The following PLCB3 variants were observed in gnomAD, a reference collection of about 807,000 sequenced individuals.
PLCB3 encodes the protein 1-phosphatidylinositol 4,5-bisphosphate phosphodiesterase beta-3.
PLCB3 carries 54 observed loss-of-function variants against 152.1 expected under a neutral mutation model. The observed-to-expected ratio is 0.36, with a 90% CI of 0.29 to 0.45. The LOEUF is 0.45. PLCB3 is among the 20% of genes least tolerant of loss of function. PLCB3 has a pLI of 1.00. For missense variants in PLCB3, 1,248 were observed against 1,687.5 expected (o/e 0.74, Z 4.56); for synonymous variants, 717 against 698.7 (o/e 1.03, Z -0.41).
rs1322774323 is a variant in PLCB3, at chr11:64,265,087, C to T, written c.2789C>T (p.Thr930Ile). The T allele has an allele frequency of 2.3e-5, 35 of 1,547,814 alleles. No homozygotes were observed. The Admixed American group carries it at 5.8e-4, about 26-fold the overall frequency. ...GGCCCCACCACCTCCCCTGCCAGCA[C>T]CTCCCTCAGCAGCCCAGGTAAGGAG... ...PPGPTTSPASTSLSSPGQRDD... is the reference protein window; with the variant it reads ...PPGPTTSPASISLSSPGQRDD... The change falls in exon 23 of 31, where the codon ACC (threonine) becomes ATC (isoleucine). Residue 930 changes from threonine (T) to isoleucine (I), a missense_variant. By Grantham distance (89) the Thr-to-Ile change is moderately conservative. Coordinates refer to ENST00000279230, the MANE Select transcript of PLCB3 (RefSeq NM_000932.5).
chr11:64,254,580 A>G (rs1223077687), intron 2 of PLCB3, 88 bp downstream of exon 2: 5 of 1,411,788 alleles, frequency 3.5e-6, no homozygotes, highest in Admixed American at 1.7e-5. Flanking sequence ...GCCCGGCTGC[A>G]GGCTGACCTC....
rs1401397412 is a variant in PLCB3 at position 64,267,565 on chromosome 11, A to C, written c.*9A>C. On this transcript the variant is annotated 3_prime_UTR_variant, in exon 31 of 31. Transcript: ENST00000279230. This position sits in a 1 kb window ranked among gnomAD's most constrained non-coding sequence, Gnocchi z 5.2. Reference sequence around the variant, plus strand: ...AGAACACGCAGCTCTGAACTGGCTGAGCGAGGTGGCCACAGGGCCAGGGCG... The same window carrying C: ...AGAACACGCAGCTCTGAACTGGCTGCGCGAGGTGGCCACAGGGCCAGGGCG... 6.4e-7 allele frequency: 1 copy of C among 1,554,982 alleles called. No homozygotes were observed. Among genetic ancestry groups the C allele is most frequent in the Non-Finnish European group, 8.7e-7 (1 of 1,155,710 alleles).
Position 64,265,049 on chromosome 11 carries a change from C to A in PLCB3, c.2751C>A (p.Pro917=). The A allele has an allele frequency of 6.5e-7, 1 of 1,538,440 alleles. No homozygotes were observed. Among genetic ancestry groups the A allele is most frequent in the Non-Finnish European group, 8.8e-7 (1 of 1,135,190 alleles). The change falls in exon 23 of 31, where the codon CCC becomes CCA. Residue 917 remains proline (P), a synonymous_variant. Transcript: ENST00000279230. ...CCCCCAGCCCACTGGATGCCTCCCC[C>A]CGCCGGCCCCCTGGCCCCACCACCT... ...NPTPSPLDAS[P]RRPPGPTTSP...
Position 64,256,474 on chromosome 11 carries a change from C to T in PLCB3, c.797C>T (p.Pro266Leu). 2 of 1,613,922 alleles carry T rather than the reference C, an allele frequency of 1.2e-6. No individual in the cohort carries two copies. Among genetic ancestry groups the T allele is most frequent in the South Asian group, 1.1e-5 (1 of 91,090 alleles). Residue 266 changes from proline (P) to leucine (L), a missense_variant, in exon 9 of 31, where the codon CCC becomes CTC. By Grantham distance (98) the Pro-to-Leu change is moderately conservative. Coordinates refer to ENST00000279230, the MANE Select transcript of PLCB3 (RefSeq NM_000932.5). ...AGACTCAACGAAGTGCTGTACCCGC[C>T]CCTGCGGCCCTCCCAGGCCCGGCTG... ...DPRLNEVLYP[P>L]LRPSQARLLI...
At chr11:64,261,330 T>G (rs1318666820) in intron 14 of PLCB3, 70 bp from the exon 15 acceptor site, 4 of 1,100,068 alleles carry the variant, frequency 3.6e-6, no homozygotes, top group Admixed American at 1.7e-5. Context: ...ACCTCCTTCA[T>G]GGGGGGCAGG....
In PLCB3 at chr11:64,255,942, G is replaced by C; in HGVS notation, c.698+121G>C. 1.3e-6 allele frequency: 1 copy of C among 760,142 alleles called. No homozygotes were observed. The highest frequency in any genetic ancestry group is 1.5e-5 in the South Asian group (1 of 65,876). The allele number at this position is 760,142 out of a possible 1,614,324, so 47.1% of individuals were successfully genotyped here. On this transcript the variant is annotated intron_variant, in intron 8 of 30. Coordinates refer to ENST00000279230, the MANE Select transcript of PLCB3 (RefSeq NM_000932.5). This position sits in a 1 kb window ranked among gnomAD's most constrained non-coding sequence, Gnocchi z 6.8. The stretch of plus-strand genomic sequence containing the variant: ...GCCGGGTCCTGGAGCGCCAGGGGGC[G>C]GAGGGGTGCCCAGGGAGAACCTGTC...
rs2849004 is a variant in PLCB3 at position 64,254,853 on chromosome 11, G to A, written c.246+37G>A. The A allele has an allele frequency of 9.9e-6, 16 of 1,613,804 alleles. No homozygotes were observed. In the African/African-American group the frequency reaches 1.9e-4, roughly 19 times the overall value. The stretch of plus-strand genomic sequence containing the variant: ...GCCTGGGAGTGAAGACCACAGCGAG[G>A]CTGTGCGGGAGCCCCCTCTTCACCC... On this transcript the variant is annotated intron_variant, in intron 3 of 30. Coordinates refer to ENST00000279230, the MANE Select transcript of PLCB3 (RefSeq NM_000932.5).
In PLCB3 at chr11:64,255,931, C is replaced by A; in HGVS notation, c.698+110C>A. On this transcript the variant is annotated intron_variant, in intron 8 of 30. Transcript: ENST00000279230. This position sits in a 1 kb window ranked among gnomAD's most constrained non-coding sequence, Gnocchi z 6.8. ...GAAACTGGTGGGCCGGGTCCTGGAG[C>A]GCCAGGGGGCGGAGGGGTGCCCAGG... 1 of 840,828 alleles carries A rather than the reference C, an allele frequency of 1.2e-6. No individual in the cohort carries two copies. Among genetic ancestry groups the A allele is most frequent in the South Asian group, 1.4e-5 (1 of 70,422 alleles). 52.1% of individuals were successfully genotyped at this position (840,828 alleles called of 1,614,324 possible).
At position 64,254,860 on chromosome 11, in the gene PLCB3, G is replaced by A. The variant is rs201724429; in HGVS notation, c.247-38G>A. 7.0e-5 allele frequency: 113 copies of A among 1,613,548 alleles called. 1 individual carries two copies. The highest frequency in any genetic ancestry group is 1.3e-4 in the African/African-American group (10 of 75,046). On this transcript the variant is annotated intron_variant, in intron 3 of 30. Coordinates refer to ENST00000279230, the MANE Select transcript of PLCB3 (RefSeq NM_000932.5). Reference sequence around the variant, plus strand: ...AGTGAAGACCACAGCGAGGCTGTGCGGGAGCCCCCTCTTCACCCTTCGCTG... The same window carrying A: ...AGTGAAGACCACAGCGAGGCTGTGCAGGAGCCCCCTCTTCACCCTTCGCTG...
At chr11:64,264,189 G>GGA (rs2031998274) in intron 22 of PLCB3, 77 bp downstream of exon 22, 3 of 981,808 alleles carry the variant, frequency 3.1e-6, no homozygotes, top group Non-Finnish European at 4.5e-6. Flanking sequence ...GGCCACATGA[G>GGA]GAGGGGGCTT....
chr11:64,265,032 C>A lies in PLCB3; in HGVS notation c.2734C>A (p.Pro912Thr). 1 of 1,565,964 alleles carries A rather than the reference C, an allele frequency of 6.4e-7. No homozygotes were observed. Among genetic ancestry groups the A allele is most frequent in the Non-Finnish European group, 8.7e-7 (1 of 1,148,540 alleles). Residue 912 changes from proline to threonine, a missense_variant, in exon 23 of 31, where the codon CCA becomes ACA. This residue lies in a region of PLCB3 where 477 missense variants were observed against 489.6 expected (regional missense o/e 0.97). Coordinates refer to ENST00000279230, the MANE Select transcript of PLCB3 (RefSeq NM_000932.5). Reference protein sequence around the residue: ...SQPSSNPTPSPLDASPRRPPG... With the variant: ...SQPSSNPTPSTLDASPRRPPG... Reference sequence around the variant, plus strand: ...GCCGTCCTCAAACCCCACCCCCAGCCCACTGGATGCCTCCCCCCGCCGGCC... The same window carrying A: ...GCCGTCCTCAAACCCCACCCCCAGCACACTGGATGCCTCCCCCCGCCGGCC...
chr11:64,260,772 C>CAA (rs10689916), intron 14 of PLCB3, among the ~76,000 whole-genome samples: 24,372 of 71,172 alleles, frequency 0.34, 4,674 homozygotes, highest in East Asian at 0.59. Flanking sequence ...GACACTATCT[C>CAA]AAAAAAAAAA....
Position 64,267,678 on chromosome 11 carries a change from C to A in PLCB3, c.*122C>A. On this transcript the variant is annotated 3_prime_UTR_variant, in exon 31 of 31. Transcript: ENST00000279230. The surrounding 1 kb of genome is among the most constrained non-coding windows in gnomAD (Gnocchi z 5.2). ...TATCTAGAAATTTTATTTTTTTAAA[C>A]CCGGGGCAAGTACCTCAGCTAACTC... The A allele has an allele frequency of 1.2e-6, 1 of 841,172 alleles. No homozygotes were observed. Among genetic ancestry groups the A allele is most frequent in the Non-Finnish European group, 1.8e-6 (1 of 558,964 alleles). 52.1% of individuals were successfully genotyped at this position (841,172 alleles called of 1,614,324 possible). A position where few individuals can be genotyped will look rare whatever the true frequency, so the allele number is the denominator to read the frequency against.
chr11:64,258,409 G>A lies in PLCB3; in HGVS notation c.1013-64G>A. The A allele has an allele frequency of 6.4e-7, 1 of 1,566,284 alleles. No homozygotes were observed. The highest frequency in any genetic ancestry group is 1.2e-5 in the South Asian group (1 of 86,462). ...AATCCAGCATGTCCTGGTTCCAGGT[G>A]GGGCCGGGGTGGTGAGGAGCTGGGC... On this transcript the variant is annotated intron_variant, in intron 10 of 30. Coordinates refer to ENST00000279230, the MANE Select transcript of PLCB3 (RefSeq NM_000932.5). This position sits in a 1 kb window ranked among gnomAD's most constrained non-coding sequence, Gnocchi z 7.2.
intron 1 of PLCB3, 37 bp downstream of exon 1, chr11:64,251,785 G>T: frequency 8.2e-7 from 1 of 1,218,206 alleles, no homozygotes; most frequent in South Asian, 1.9e-5. Context: ...CAAATCCCGG[G>T]ACTCTTTCAG....
Position 64,261,953 on chromosome 11 carries a change from TACA to T in PLCB3, c.1920_1922del (p.Asn640del). On this transcript the variant is annotated inframe_deletion and splice_region_variant, in exon 17 of 31. Coordinates refer to ENST00000279230, the MANE Select transcript of PLCB3 (RefSeq NM_000932.5). Reference sequence around the variant, plus strand: ...GTGGCCCCTGACCACCAATCTCAGATACAACAAGCAGCAGCTCAGCCGCATCTA... The same window carrying T: ...GTGGCCCCTGACCACCAATCTCAGATACAAGCAGCAGCTCAGCCGCATCTA... 6.2e-7 allele frequency: 1 copy of T among 1,614,060 alleles called. No individual in the cohort carries two copies. The highest frequency in any genetic ancestry group is 8.5e-7 in the Non-Finnish European group (1 of 1,179,994).
intron 1 of PLCB3, 65 bp downstream of exon 1, chr11:64,251,813 C>T: frequency 1.0e-6 from 1 of 968,216 alleles, no homozygotes; most frequent in South Asian, 2.5e-5. Flanking sequence ...CGACCAGACG[C>T]TGGGGACCCC....
rs2031477430 is a variant in PLCB3, at chr11:64,255,541, C to T, written c.522C>T (p.Asn174=). 3.1e-6 allele frequency: 5 copies of T among 1,596,744 alleles called. No individual in the cohort carries two copies. Among genetic ancestry groups the T allele is most frequent in the Non-Finnish European group, 4.3e-6 (5 of 1,168,776 alleles). ...VNQDGRIPVK[N]ILKMFSADKK... is the part of the protein sequence containing the mutation. ...CCTGAACCCCTCCTGCCCGCATCAG[C>T]ATCCTGAAGATGTTCTCAGCAGACA... Residue 174 remains asparagine (N), a splice_region_variant and synonymous_variant, in exon 7 of 31, where the codon AAC becomes AAT. Coordinates refer to ENST00000279230, the MANE Select transcript of PLCB3 (RefSeq NM_000932.5). The surrounding 1 kb of genome is among the most constrained non-coding windows in gnomAD (Gnocchi z 6.8).
rs1443472435 is a variant in PLCB3, at chr11:64,267,756, T to C, written c.*200T>C. On this transcript the variant is annotated 3_prime_UTR_variant, in exon 31 of 31. Transcript: ENST00000279230. The surrounding 1 kb of genome is among the most constrained non-coding windows in gnomAD (Gnocchi z 5.2). ...CTGCCCTCAGTCTTAGGTTAGGGCC[T>C]TGGTCAGGGCTTTGCTCCCTGTGAC... is the stretch of plus-strand genomic sequence containing the variant. The C allele has an allele frequency of 7.1e-6, 4 of 565,512 alleles. No individual in the cohort carries two copies. In the African/African-American group the frequency reaches 7.8e-5, roughly 11 times the overall value. 35.0% of individuals were successfully genotyped at this position (565,512 alleles called of 1,614,324 possible).
Sources: allele counts gnomAD v4.1 joint callset (sites outside exome capture counted in the v4.1 genomes callset), GRCh38; gene constraint gnomAD v4.1.1; regional missense constraint gnomAD v4.1.1; non-coding constraint Gnocchi (gnomAD v3.1); transcripts MANE v1.5; gene names NCBI Gene and HGNC (gene_info 2026-07-23, HGNC 2026-07-21).